The following TBL1X variants were observed in gnomAD, a reference collection of about 807,000 sequenced individuals.
TBL1X encodes transducin beta like 1 X-linked, also known as F-box-like/WD repeat-containing protein TBL1X.
TBL1X carries 10 observed loss-of-function variants against 50.7 expected under a neutral mutation model. That is an observed-to-expected ratio of 0.20 (90% CI 0.12 to 0.33). The LOEUF (loss-of-function observed/expected upper bound fraction) is 0.33, where lower values mean the gene tolerates loss of function less well. Among genes scored for constraint, TBL1X ranks in the 10% least tolerant of loss-of-function variants. The probability of loss-of-function intolerance (pLI) is 1.00; values close to 1 mark genes in which losing one functional copy is unlikely to be tolerated. For synonymous variants in TBL1X, 190 were observed against 214.7 expected (o/e 0.88, Z 1.01); for missense variants, 340 against 504.4 (o/e 0.67, Z 3.12).
chrX:9,670,264 G>A (rs1181788694), intron 5 of TBL1X, among the ~76,000 whole-genome samples: 1 of 110,623 alleles, frequency 9.0e-6, no homozygotes, highest in East Asian at 2.8e-4. Context: ...TTGGACCTGC[G>A]AACAACCGGT....
At chrX:9,598,911 T>TG (rs2082539454) in intron 2 of TBL1X, among the ~76,000 whole-genome samples, 1 of 53,603 alleles carries the variant, frequency 1.9e-5, no homozygotes, top group African/African-American at 1.5e-4. Context: ...CCCCTACCTT[T>TG]TTTTTTTGTT....
intron 2 of TBL1X, among the ~76,000 whole-genome samples, chrX:9,507,622 C>G (rs1569210145): frequency 8.9e-6 from 1 of 111,764 alleles, no homozygotes; most frequent in African/African-American, 3.3e-5. Flanking sequence ...AAAGAAGATC[C>G]CACGTAGCCA....
chrX:9,615,955 A>G (rs1601795946), intron 2 of TBL1X, among the ~76,000 whole-genome samples: 1 of 112,251 alleles, frequency 8.9e-6, no homozygotes, highest in South Asian at 3.7e-4. Flanking sequence ...ATGTTTCCAT[A>G]ACACATTGAA....
chrX:9,566,114 A>G (rs185197574), intron 2 of TBL1X, among the ~76,000 whole-genome samples: 3 of 112,166 alleles, frequency 2.7e-5, no homozygotes, highest in South Asian at 3.7e-4. Flanking sequence ...GCATAGTTAA[A>G]AGCAGGGTTT....
intron 16 of TBL1X, among the ~76,000 whole-genome samples, chrX:9,713,426 CT>C (rs1159464236): frequency 0.012 from 935 of 78,461 alleles, 6 homozygotes; most frequent in African/African-American, 0.043. Flanking sequence ...TAGGACTTTT[CT>C]TTTTTTTTTT....
intron 2 of TBL1X, chrX:9,636,508 A>ACAACAACAACAACAACAG (rs2082748369): frequency 1.8e-5 from 2 of 110,549 alleles, no homozygotes; most frequent in South Asian, 7.8e-4. Context: ...AACAACAACA[A>ACAACAACAACAACAACAG]CAACAACAAC....
At chrX:9,658,259 T>C (rs908798415) in intron 5 of TBL1X, among the ~76,000 whole-genome samples, 1 of 111,735 alleles carries the variant, frequency 8.9e-6, no homozygotes, top group African/African-American at 3.3e-5. Context: ...ATACAGTGTG[T>C]GAGTCCATTG....
At chrX:9,599,409 C>T (rs140690974) in intron 2 of TBL1X, among the ~76,000 whole-genome samples, 7 of 112,277 alleles carry the variant, frequency 6.2e-5, no homozygotes, top group African/African-American at 9.7e-5. Flanking sequence ...TCCATAACAC[C>T]GTCAATTAAA....
At position 9,580,288 on chromosome X, in the gene TBL1X, G is replaced by A. The variant is rs1236720708; in HGVS notation, c.-130-59985G>A. 8.0e-5 allele frequency among the ~76,000 whole-genome samples: 9 copies of A among 112,365 alleles called. No individual in the cohort carries two copies. The Admixed American group carries it at 8.4e-4, about 11-fold the overall frequency. ...TGACGATGTGCCCAAGGTGGTCCAA[G>A]CACAGCTTGGTTTTATACATTTTAG... On this transcript the variant is annotated intron_variant, in intron 2 of 17. Transcript: ENST00000645353.
intron 2 of TBL1X, among the ~76,000 whole-genome samples, chrX:9,512,243 A>C (rs2082059672): frequency 9.0e-6 from 1 of 110,760 alleles, no homozygotes; most frequent in Non-Finnish European, 1.9e-5. Context: ...CCTTTTTCTA[A>C]ATGGAAGCTC....
At chrX:9,682,376 G>A (rs60001131) in intron 5 of TBL1X, among the ~76,000 whole-genome samples, 4,540 of 112,142 alleles carry the variant, frequency 0.04, 236 homozygotes, top group African/African-American at 0.14. Context: ...TTATAGTTCT[G>A]TAAAGAAATA....
chrX:9,654,489 G>A (rs780012380), intron 5 of TBL1X, among the ~76,000 whole-genome samples, 167 bp downstream of exon 5: 2 of 111,955 alleles, frequency 1.8e-5, no homozygotes, highest in South Asian at 3.7e-4. Flanking sequence ...TGCCATCCCC[G>A]GGTGGAAAGA....
rs996926403 is a variant in TBL1X, at chrX:9,495,555, G to T, written c.-200-6225G>T. 7.2e-5 allele frequency among the ~76,000 whole-genome samples: 8 copies of T among 111,222 alleles called. No individual in the cohort carries two copies. In the Admixed American group the frequency reaches 7.7e-4, roughly 11 times the overall value. On this transcript the variant is annotated intron_variant, in intron 1 of 17. Transcript: ENST00000645353. ...GGAAAATACACAGTGAGGCTTCTGC[G>T]AACCTCTGGTCACAATGTTGTTGTC...
intron 2 of TBL1X, among the ~76,000 whole-genome samples, chrX:9,565,080 C>G (rs1171353741): frequency 9.2e-6 from 1 of 108,901 alleles, no homozygotes; most frequent in Non-Finnish European, 1.9e-5. Flanking sequence ...ACCATCCTGG[C>G]TAACACGGTG....
At chrX:9,581,907 T>A (rs2082444673) in intron 2 of TBL1X, among the ~76,000 whole-genome samples, 1 of 112,050 alleles carries the variant, frequency 8.9e-6, no homozygotes, top group Non-Finnish European at 1.9e-5. Flanking sequence ...TCCTTTAGAT[T>A]CCACCGAAGT....
chrX:9,528,464 G>T (rs1039691313), intron 2 of TBL1X, among the ~76,000 whole-genome samples: 2 of 110,305 alleles, frequency 1.8e-5, no homozygotes, highest in Admixed American at 1.9e-4. Context: ...ATTGGCGTTT[G>T]GAAGGAAGTG....
chrX:9,550,969 C>A (rs184152162), intron 2 of TBL1X, among the ~76,000 whole-genome samples: 3 of 111,355 alleles, frequency 2.7e-5, no homozygotes, highest in African/African-American at 9.8e-5. Flanking sequence ...CAGCCCCCCC[C>A]CAACCAAGAA....
chrX:9,578,099 A>T (rs1202787131), intron 2 of TBL1X, among the ~76,000 whole-genome samples: 1 of 111,713 alleles, frequency 9.0e-6, no homozygotes, highest in Non-Finnish European at 1.9e-5. Context: ...ATCGATAAGG[A>T]AGTGGGGATG....
intron 13 of TBL1X, among the ~76,000 whole-genome samples, chrX:9,708,412 T>C (rs991108783): frequency 1.8e-5 from 2 of 112,473 alleles, no homozygotes; most frequent in African/African-American, 6.5e-5. Flanking sequence ...CATGTGTGCC[T>C]GCCTGTGTGT....
Sources: gnomAD v4.1 joint callset for allele counts (sites outside exome capture counted in the v4.1 genomes callset) on GRCh38, gnomAD v4.1.1 for gene constraint, MANE v1.5 for transcripts, NCBI Gene and HGNC (gene_info 2026-07-23, HGNC 2026-07-21) for gene names.